The following MTUS1 variants were observed in gnomAD, a reference collection of about 807,000 sequenced individuals.
The protein encoded by MTUS1 is microtubule associated scaffold protein 1, also known as microtubule-associated tumor suppressor 1.
In MTUS1, 109 loss-of-function variants were observed where a neutral mutation model predicts 120.8. The ratio of observed to expected loss-of-function variants is 0.90; its 90% CI spans 0.77 to 1.06. The LOEUF is 1.06. Among genes scored for constraint, MTUS1 ranks in the 50% least tolerant of loss-of-function variants. MTUS1 has a pLI of 0.00. For missense variants in MTUS1, 2,210 were observed against 1,486.3 expected, an observed-to-expected ratio of 1.49 and a Z score of -8.01; for synonymous variants, 737 against 550.5, an observed-to-expected ratio of 1.34 and a Z score of -4.74.
chr8:17,707,707 G>C (rs1161977300), intron 6 of MTUS1, among the ~76,000 whole-genome samples: 1 of 152,150 alleles, frequency 6.6e-6, no homozygotes, highest in Admixed American at 6.5e-5. Context: ...GAAAAAGAAA[G>C]ACGTTGAATG....
intron 1 of MTUS1, among the ~76,000 whole-genome samples, chr8:17,783,103 C>T (rs962405231): frequency 3.3e-5 from 5 of 152,176 alleles, no homozygotes; most frequent in Non-Finnish European, 7.4e-5. Context: ...AACACACACA[C>T]GCCCTTAAGA....
intron 1 of MTUS1, among the ~76,000 whole-genome samples, chr8:17,786,957 T>C (rs371129068): frequency 2.0e-5 from 3 of 152,124 alleles, no homozygotes; most frequent in Non-Finnish European, 4.4e-5. Flanking sequence ...AGAAAGAAAA[T>C]AAAAGTTGAA....
chr8:17,676,204 C>G, intron 7 of MTUS1: 1 of 700,626 alleles, frequency 1.4e-6, no homozygotes. Flanking sequence ...AGCATTTTCC[C>G]TGAATTCCAG....
intron 4 of MTUS1, among the ~76,000 whole-genome samples, chr8:17,719,325 C>T (rs2131073109): frequency 6.6e-6 from 1 of 152,322 alleles, no homozygotes; most frequent in African/African-American, 2.4e-5. Flanking sequence ...TTATGTGAAT[C>T]AGTTTAACAC....
intron 1 of MTUS1, among the ~76,000 whole-genome samples, chr8:17,792,825 C>T (rs997210558): frequency 2.0e-5 from 3 of 152,256 alleles, no homozygotes; most frequent in African/African-American, 7.2e-5. Context: ...GATCACACCA[C>T]TGTCCTCCAG....
At chr8:17,703,516 C>G (rs1819526003) in intron 6 of MTUS1, among the ~76,000 whole-genome samples, 1 of 151,608 alleles carries the variant, frequency 6.6e-6, no homozygotes, top group African/African-American at 2.4e-5. Context: ...ACCTGTAGTC[C>G]CAGTTAGTAG....
chr8:17,719,316 T>C (rs1186452503), intron 4 of MTUS1, among the ~76,000 whole-genome samples: 1 of 152,264 alleles, frequency 6.6e-6, no homozygotes, highest in Non-Finnish European at 1.5e-5. Context: ...TCTTGAATTT[T>C]ATGTGAATCA....
chr8:17,689,083 TGCCTGTACTCCCA>T (rs1273951740), intron 6 of MTUS1, among the ~76,000 whole-genome samples: 1 of 152,098 alleles, frequency 6.6e-6, no homozygotes, highest in Non-Finnish European at 1.5e-5. Context: ...TGGTGGCACC[TGCCTGTACTCCCA>T]GCTACTCGGG....
At position 17,655,936 on chromosome 8, in the gene MTUS1, G is replaced by C. The variant is rs199740873; in HGVS notation, c.3035C>G (p.Thr1012Ser). The C allele has an allele frequency of 3.7e-6, 6 of 1,614,148 alleles. No individual in the cohort carries two copies. The highest frequency in any genetic ancestry group is 2.7e-5 in the African/African-American group (2 of 75,032). The part of the protein sequence containing the change: ...ERENRLKEFY[T>S]REYEKLRDTY... The stretch of plus-strand genomic sequence containing the variant: ...GTCCCGAAGCTTTTCATACTCCCTG[G>C]TGTAAAACTCTTTAAGCCGATTCTC... Residue 1012 changes from threonine to serine, a missense_variant, in exon 9 of 15, where the codon ACC (threonine) becomes AGC (serine). Thr to Ser is a moderately conservative substitution (Grantham distance 58, BLOSUM62 1). Coordinates refer to ENST00000693296, the MANE Select transcript of MTUS1 (RefSeq NM_001363059.2).
chr8:17,770,196 A>G (rs2049921804), intron 1 of MTUS1, among the ~76,000 whole-genome samples: 1 of 152,192 alleles, frequency 6.6e-6, no homozygotes, highest in African/African-American at 2.4e-5. Context: ...CCTTTACAAA[A>G]AGTACATAAG....
At chr8:17,735,078 C>G (rs2046836836) in intron 3 of MTUS1, among the ~76,000 whole-genome samples, 1 of 152,084 alleles carries the variant, frequency 6.6e-6, no homozygotes, top group African/African-American at 2.4e-5. Flanking sequence ...GCCACTGGGC[C>G]TGTCTCTTAT....
chr8:17,714,375 C>CTGAGTAACAT (rs1563252750), intron 5 of MTUS1, among the ~76,000 whole-genome samples: 4 of 152,180 alleles, frequency 2.6e-5, no homozygotes, highest in Non-Finnish European at 5.9e-5. Context: ...CAGAGTAACA[C>CTGAGTAACAT]CTCTGAGAAA....
chr8:17,736,610 G>T (rs760322808), intron 3 of MTUS1, among the ~76,000 whole-genome samples: 1 of 151,576 alleles, frequency 6.6e-6, no homozygotes, highest in Non-Finnish European at 1.5e-5. Flanking sequence ...TTTGAGATGG[G>T]GTCTTGCTCT....
At chr8:17,799,982 A>G (rs2052550670) in intron 1 of MTUS1, among the ~76,000 whole-genome samples, 1 of 152,118 alleles carries the variant, frequency 6.6e-6, no homozygotes, top group Non-Finnish European at 1.5e-5. Context: ...ACTGTAAAGC[A>G]CTGTACTAAC....
At chr8:17,732,902 C>G (rs1353905414) in intron 3 of MTUS1, among the ~76,000 whole-genome samples, 1 of 152,134 alleles carries the variant, frequency 6.6e-6, no homozygotes, top group Admixed American at 6.6e-5. Context: ...AAAACATAAC[C>G]TCCTGCTGCC....
At chr8:17,790,943 A>G (rs2051732087) in intron 1 of MTUS1, among the ~76,000 whole-genome samples, 1 of 152,044 alleles carries the variant, frequency 6.6e-6, no homozygotes, top group Admixed American at 6.6e-5. Flanking sequence ...GCCGGATCGT[A>G]CCACTGCACT....
At chr8:17,781,939 T>C (rs947124087) in intron 1 of MTUS1, among the ~76,000 whole-genome samples, 13 of 152,192 alleles carry the variant, frequency 8.5e-5, no homozygotes, top group Non-Finnish European at 1.0e-4. Flanking sequence ...AACACTCCAC[T>C]GCTAACACAG....
At chr8:17,729,461 C>A (rs1365487977) in intron 3 of MTUS1, among the ~76,000 whole-genome samples, 2 of 151,084 alleles carry the variant, frequency 1.3e-5, no homozygotes, top group African/African-American at 4.9e-5. Flanking sequence ...TTCCTATGTG[C>A]CAGGAAAAAA....
chr8:17,722,169 A>G, intron 4 of MTUS1: 2 of 1,100,544 alleles, frequency 1.8e-6, no homozygotes, highest in Non-Finnish European at 2.2e-6. Flanking sequence ...AAAGACAAAA[A>G]GGAATGGACA....
Sources: allele counts gnomAD v4.1 joint callset (sites outside exome capture counted in the v4.1 genomes callset), GRCh38; gene constraint gnomAD v4.1.1; transcripts MANE v1.5; gene names NCBI Gene and HGNC (gene_info 2026-07-23, HGNC 2026-07-21).